RABGAP1L: variants seen among roughly 807,000 people sequenced by gnomAD.
RABGAP1L encodes the protein rab GTPase-activating protein 1-like.
In RABGAP1L, 63 loss-of-function variants were observed where a neutral mutation model predicts 137.7. The ratio of observed to expected loss-of-function variants is 0.46; its 90% CI spans 0.37 to 0.56. The LOEUF (loss-of-function observed/expected upper bound fraction) is 0.56, where lower values mean the gene tolerates loss of function less well. Ranked by LOEUF, RABGAP1L falls within the 20% of genes least tolerant of loss-of-function variation. The pLI, the probability that RABGAP1L is intolerant of heterozygous loss-of-function variation, is 0.00. For missense variants in RABGAP1L, 1,095 were observed against 1,244.0 expected (o/e 0.88, Z 1.80); for synonymous variants, 431 against 433.7 (o/e 0.99, Z 0.08).
rs185172951 is a variant in RABGAP1L, at chr1:174,272,158, T to C, written c.987-256T>C. ...ATATTTTCTTTCAATTAACAACTTA[T>C]GGCCACTTTTATGGTAGTTTCTTAT... On this transcript the variant is annotated intron_variant, in intron 7 of 25. Transcript: ENST00000681986. 2.2e-4 allele frequency among the ~76,000 whole-genome samples: 33 copies of C among 152,106 alleles called. No homozygotes were observed. The South Asian group carries it at 3.9e-3, about 18-fold the overall frequency.
chr1:174,849,106 C>A (rs1382177811), intron 19 of RABGAP1L, among the ~76,000 whole-genome samples: 6 of 152,192 alleles, frequency 3.9e-5, no homozygotes, highest in South Asian at 2.1e-4. Context: ...TGCGTGCACC[C>A]ACTGGCCTGC....
chr1:174,543,273 T>A (rs1665652361), intron 13 of RABGAP1L, among the ~76,000 whole-genome samples: 1 of 152,234 alleles, frequency 6.6e-6, no homozygotes, highest in Non-Finnish European at 1.5e-5. Context: ...TGAATCTGGA[T>A]GCTTCTGTAT....
intron 13 of RABGAP1L, among the ~76,000 whole-genome samples, chr1:174,625,613 G>A (rs982935553): frequency 6.6e-6 from 1 of 152,064 alleles, no homozygotes; most frequent in Non-Finnish European, 1.5e-5. Flanking sequence ...GTCACTTTTT[G>A]TATTATTCAA....
intron 11 of RABGAP1L, among the ~76,000 whole-genome samples, chr1:174,327,980 CACACACATATAT>C (rs1177132015): frequency 0.017 from 1,835 of 105,872 alleles, 115 homozygotes; most frequent in African/African-American, 0.033. Flanking sequence ...TATATATATA[CACACACATATAT>C]ATATATATAT....
At chr1:174,217,303 G>A (rs1215508504) in intron 1 of RABGAP1L, among the ~76,000 whole-genome samples, 2 of 152,194 alleles carry the variant, frequency 1.3e-5, no homozygotes, top group East Asian at 3.8e-4. Flanking sequence ...GAAATATCAA[G>A]TAGAGAGGTG....
intron 17 of RABGAP1L, among the ~76,000 whole-genome samples, chr1:174,738,987 T>C (rs1196767507): frequency 6.6e-6 from 1 of 152,230 alleles, no homozygotes; most frequent in African/African-American, 2.4e-5. Context: ...AGCAATTAAC[T>C]AAACTAATTC....
intron 15 of RABGAP1L, among the ~76,000 whole-genome samples, chr1:174,684,360 G>T (rs1678305751): frequency 6.6e-6 from 1 of 152,084 alleles, no homozygotes; most frequent in Non-Finnish European, 1.5e-5. Flanking sequence ...AGGGGGTAAA[G>T]AATTATTGAC....
At chr1:174,284,888 T>C (rs138982225) in intron 10 of RABGAP1L, among the ~76,000 whole-genome samples, 1 of 152,114 alleles carries the variant, frequency 6.6e-6, no homozygotes, top group African/African-American at 2.4e-5. Context: ...TCGATAGGGA[T>C]CACATTGAAT....
chr1:174,361,784 A>G (rs1162640781), intron 11 of RABGAP1L, among the ~76,000 whole-genome samples: 1 of 152,102 alleles, frequency 6.6e-6, no homozygotes, highest in Non-Finnish European at 1.5e-5. Context: ...ACTTTTTTAA[A>G]AAATACTTTT....
chr1:174,352,362 T>G (rs1683274307), intron 11 of RABGAP1L, among the ~76,000 whole-genome samples: 1 of 152,144 alleles, frequency 6.6e-6, no homozygotes, highest in African/African-American at 2.4e-5. Context: ...AAGACTATGA[T>G]TCATTCTTCA....
At chr1:174,638,610 A>T (rs565197508) in intron 14 of RABGAP1L, among the ~76,000 whole-genome samples, 1 of 148,488 alleles carries the variant, frequency 6.7e-6, no homozygotes, top group South Asian at 2.2e-4. Context: ...GGCATTATTC[A>T]CAATAGCAAA....
chr1:174,371,573 CA>C (rs556860421), intron 12 of RABGAP1L, among the ~76,000 whole-genome samples: 7 of 151,710 alleles, frequency 4.6e-5, no homozygotes, highest in Admixed American at 1.3e-4. Context: ...TGTGGAATTA[CA>C]AAAAAAGTAC....
intron 13 of RABGAP1L, among the ~76,000 whole-genome samples, chr1:174,589,587 T>C (rs1409719354): frequency 3.3e-5 from 5 of 152,212 alleles, no homozygotes; most frequent in Non-Finnish European, 5.9e-5. Context: ...GTTTCATAGT[T>C]TGAGGACTTA....
intron 18 of RABGAP1L, among the ~76,000 whole-genome samples, chr1:174,776,717 T>G (rs1686557781): frequency 6.6e-6 from 1 of 152,324 alleles, no homozygotes; most frequent in African/African-American, 2.4e-5. Context: ...TTAATGGTGG[T>G]TACCCTGAGG....
At chr1:174,939,216 T>G (rs1484834518) in intron 19 of RABGAP1L, among the ~76,000 whole-genome samples, 1 of 152,270 alleles carries the variant, frequency 6.6e-6, no homozygotes, top group Non-Finnish European at 1.5e-5. Context: ...CTAGCAAGCT[T>G]GGTGTTCTAA....
At chr1:174,462,557 A>G (rs1656808137) in intron 13 of RABGAP1L, among the ~76,000 whole-genome samples, 1 of 151,928 alleles carries the variant, frequency 6.6e-6, no homozygotes, top group African/African-American at 2.4e-5. Flanking sequence ...TTGTAGGTTC[A>G]GGGGCTATAT....
At chr1:174,850,058 G>C (rs1224087931) in intron 19 of RABGAP1L, 1 of 550,862 alleles carries the variant, frequency 1.8e-6, no homozygotes, top group Non-Finnish European at 3.6e-6. Flanking sequence ...GCAGGAGGCT[G>C]TTGGTAGAGG....
rs934564750 is a variant in RABGAP1L, at chr1:174,989,838, G to A, written c.3004-11G>A. On this transcript the variant is annotated splice_polypyrimidine_tract_variant and intron_variant, in intron 25 of 25. Transcript: ENST00000681986. ...TTTATTTAACTCAGATGATTTTCTTGCTTTAATTAGGAACTTGAACATCAG... is the reference window on the plus strand; with the variant it reads ...TTTATTTAACTCAGATGATTTTCTTACTTTAATTAGGAACTTGAACATCAG... 2 of 1,547,610 alleles carry A rather than the reference G, an allele frequency of 1.3e-6. No homozygotes were observed. Among genetic ancestry groups the A allele is most frequent in the Non-Finnish European group, 1.7e-6 (2 of 1,145,484 alleles).
intron 1 of RABGAP1L, among the ~76,000 whole-genome samples, chr1:174,200,431 A>C (rs1668014614): frequency 6.6e-6 from 1 of 152,234 alleles, no homozygotes; most frequent in Admixed American, 6.5e-5. Context: ...GTAAAAATTA[A>C]AAAGAAATCT....
Sources: gnomAD v4.1 joint callset for allele counts (sites outside exome capture counted in the v4.1 genomes callset) on GRCh38, gnomAD v4.1.1 for gene constraint, MANE v1.5 for transcripts, NCBI Gene and HGNC (gene_info 2026-07-23, HGNC 2026-07-21) for gene names.